The following RAB3B variants were observed in gnomAD, a reference collection of about 807,000 sequenced individuals.
The protein encoded by RAB3B is RAB3B, member RAS oncogene family, also known as ras-related protein Rab-3B.
RAB3B carries 11 observed loss-of-function variants against 20.5 expected under a neutral mutation model. The ratio of observed to expected loss-of-function variants is 0.54; its 90% CI spans 0.34 to 0.89. The LOEUF (loss-of-function observed/expected upper bound fraction) is 0.89. Among genes scored for constraint, RAB3B ranks in the 40% least tolerant of loss-of-function variants. The pLI, the probability that RAB3B is intolerant of heterozygous loss-of-function variation, is 0.02. For missense variants in RAB3B, 225 were observed against 280.9 expected, an observed-to-expected ratio of 0.80 and a Z score of 1.42; for synonymous variants, 99 against 106.3, an observed-to-expected ratio of 0.93 and a Z score of 0.42.
At chr1:51,920,528 C>A (rs745544675) in intron 4 of RAB3B, among the ~76,000 whole-genome samples, 1 of 152,180 alleles carries the variant, frequency 6.6e-6, no homozygotes, top group Non-Finnish European at 1.5e-5. Flanking sequence ...AATGCATAAA[C>A]GTGTGTCCAC....
At chr1:51,955,296 T>C (rs189065194) in intron 2 of RAB3B, among the ~76,000 whole-genome samples, 103 of 152,346 alleles carry the variant, frequency 6.8e-4, no homozygotes, top group Middle Eastern at 3.4e-3. Context: ...CCATAGCCGA[T>C]GTGAATGCCC....
At chr1:51,948,903 A>T (rs541889119) in intron 2 of RAB3B, among the ~76,000 whole-genome samples, 1 of 152,346 alleles carries the variant, frequency 6.6e-6, no homozygotes, top group South Asian at 2.1e-4. Flanking sequence ...CACCTGGAAC[A>T]CAGGGCCAGA....
At chr1:51,988,511 G>A (rs1685178328) in intron 1 of RAB3B, among the ~76,000 whole-genome samples, 1 of 152,210 alleles carries the variant, frequency 6.6e-6, no homozygotes, top group South Asian at 2.1e-4. Context: ...TGTGTCCACT[G>A]ACAAAACAGG....
chr1:51,942,644 T>C (rs557782842), intron 2 of RAB3B, among the ~76,000 whole-genome samples: 4 of 152,320 alleles, frequency 2.6e-5, no homozygotes, highest in African/African-American at 9.6e-5. Flanking sequence ...GCAACTTACC[T>C]ATTGGAGCCT....
At chr1:51,945,781 T>C (rs569007988) in intron 2 of RAB3B, among the ~76,000 whole-genome samples, 11 of 152,356 alleles carry the variant, frequency 7.2e-5, no homozygotes, top group African/African-American at 2.6e-4. Context: ...GTCAATATAA[T>C]GTTTCCCTTA....
At chr1:51,962,644 T>C (rs571321509) in intron 2 of RAB3B, among the ~76,000 whole-genome samples, 2 of 152,348 alleles carry the variant, frequency 1.3e-5, no homozygotes, top group South Asian at 4.1e-4. Flanking sequence ...TACATCATCA[T>C]CTTTTCTAAC....
intron 4 of RAB3B, among the ~76,000 whole-genome samples, chr1:51,924,929 T>C (rs777582923): frequency 6.6e-6 from 1 of 152,174 alleles, no homozygotes; most frequent in African/African-American, 2.4e-5. Flanking sequence ...TTTCTTCTCC[T>C]AATTGGCTTC....
intron 2 of RAB3B, among the ~76,000 whole-genome samples, chr1:51,954,056 T>C (rs1327768241): frequency 6.6e-6 from 1 of 152,134 alleles, no homozygotes; most frequent in Non-Finnish European, 1.5e-5. Context: ...TGCAACATTA[T>C]TGATAACAGC....
intron 2 of RAB3B, 62 bp downstream of exon 2, chr1:51,976,827 GC>G: frequency 6.9e-7 from 1 of 1,453,106 alleles, no homozygotes; most frequent in Non-Finnish European, 9.6e-7. Flanking sequence ...CCACCTCTAA[GC>G]CCTTGTACTG....
intron 3 of RAB3B, among the ~76,000 whole-genome samples, chr1:51,935,661 G>A (rs1389009933): frequency 2.0e-5 from 3 of 152,124 alleles, no homozygotes; most frequent in Non-Finnish European, 4.4e-5. Flanking sequence ...AGGGAGGAAG[G>A]GAAGGGGGTC....
At chr1:51,972,206 T>A (rs925643050) in intron 2 of RAB3B, among the ~76,000 whole-genome samples, 1 of 152,144 alleles carries the variant, frequency 6.6e-6, no homozygotes, top group African/African-American at 2.4e-5. Context: ...AATTTAAAAT[T>A]TATTAGCTTA....
intron 2 of RAB3B, among the ~76,000 whole-genome samples, chr1:51,968,538 C>T (rs1449596771): frequency 6.6e-6 from 1 of 152,152 alleles, no homozygotes; most frequent in Non-Finnish European, 1.5e-5. Flanking sequence ...CAGAATCTGG[C>T]ACAGTAAATA....
intron 2 of RAB3B, among the ~76,000 whole-genome samples, chr1:51,956,638 C>T (rs1192722541): frequency 6.6e-6 from 1 of 152,166 alleles, no homozygotes; most frequent in Non-Finnish European, 1.5e-5. Flanking sequence ...CATGCTGCAC[C>T]CTCTGCCTGG....
chr1:51,951,064 C>G (rs763554796), intron 2 of RAB3B, among the ~76,000 whole-genome samples: 2 of 151,990 alleles, frequency 1.3e-5, no homozygotes, highest in Non-Finnish European at 2.9e-5. Flanking sequence ...TATAGAGCAC[C>G]CTACAGTTTA....
At chr1:51,935,695 C>T (rs973336488) in intron 3 of RAB3B, among the ~76,000 whole-genome samples, 1 of 151,494 alleles carries the variant, frequency 6.6e-6, no homozygotes, top group African/African-American at 2.4e-5. Context: ...AAATGGGCAG[C>T]GTGGAGACAC....
chr1:51,987,473 C>A (rs1685167564), intron 1 of RAB3B, among the ~76,000 whole-genome samples: 1 of 152,046 alleles, frequency 6.6e-6, no homozygotes, highest in Admixed American at 6.5e-5. Flanking sequence ...TTTTATTAAC[C>A]CCTTATTTTG....
At chr1:51,969,333 G>C (rs570317125) in intron 2 of RAB3B, among the ~76,000 whole-genome samples, 1 of 152,308 alleles carries the variant, frequency 6.6e-6, no homozygotes, top group African/African-American at 2.4e-5. Flanking sequence ...AGAGCTGTTG[G>C]AGGAGGGACC....
At chr1:51,982,382 C>T (rs1266922656) in intron 1 of RAB3B, among the ~76,000 whole-genome samples, 1 of 152,054 alleles carries the variant, frequency 6.6e-6, no homozygotes, top group Non-Finnish European at 1.5e-5. Context: ...CACTGCATTC[C>T]AATCCAGGTG....
intron 2 of RAB3B, among the ~76,000 whole-genome samples, chr1:51,964,248 A>G (rs748273959): frequency 6.6e-6 from 1 of 152,212 alleles, no homozygotes; most frequent in Non-Finnish European, 1.5e-5. Context: ...TTCATAACCT[A>G]GCAGCCATAT....
Sources: gnomAD v4.1 joint callset for allele counts (sites outside exome capture counted in the v4.1 genomes callset) on GRCh38, gnomAD v4.1.1 for gene constraint, MANE v1.5 for transcripts, NCBI Gene and HGNC (gene_info 2026-07-23, HGNC 2026-07-21) for gene names.